The following DIAPH2 variants were observed in gnomAD, a reference collection of about 807,000 sequenced individuals.
DIAPH2 encodes the protein diaphanous related formin 2, also known as protein diaphanous homolog 2.
Under a neutral mutation model 92.7 loss-of-function variants are expected in DIAPH2, and 35 were observed. The observed-to-expected ratio is 0.38, with a 90% confidence interval of 0.29 to 0.50. The LOEUF (loss-of-function observed/expected upper bound fraction) is 0.50. DIAPH2 is among the 20% of genes least tolerant of loss of function. The pLI is 0.94. For synonymous variants in DIAPH2, 301 were observed against 280.4 expected, an observed-to-expected ratio of 1.07 and a Z score of -0.73; for missense variants, 701 against 819.5, an observed-to-expected ratio of 0.86 and a Z score of 1.77.
At chrX:97,149,150 G>T (rs934854390) in intron 22 of DIAPH2, among the ~76,000 whole-genome samples, 1 of 111,706 alleles carries the variant, frequency 9.0e-6, no homozygotes, top group Non-Finnish European at 1.9e-5. Flanking sequence ...AGAAAAATCT[G>T]TGGAACAAAA....
At chrX:97,424,603 T>C (rs1274606106) in intron 25 of DIAPH2, among the ~76,000 whole-genome samples, 2 of 96,453 alleles carry the variant, frequency 2.1e-5, no homozygotes, top group East Asian at 7.5e-4. Flanking sequence ...AAGGTATTTA[T>C]TTTTATTCCC....
In DIAPH2 at chrX:96,684,956, G is replaced by T; in HGVS notation, c.-103G>T. The T allele has an allele frequency of 5.6e-6, 5 of 888,243 alleles. No individual in the cohort carries two copies. Among genetic ancestry groups the T allele is most frequent in the Non-Finnish European group, 5.7e-6 (4 of 701,809 alleles). The allele number at this position is 888,243 out of a possible 1,213,427, so 73.2% of individuals were successfully genotyped here. On this transcript the variant is annotated 5_prime_UTR_variant, in exon 1 of 27. Coordinates refer to ENST00000324765, the MANE Select transcript of DIAPH2 (RefSeq NM_006729.5). ...GGGCAGACACTCTCTCCCTCAGGAA[G>T]AGGTGCCGCCGAGTCAGCGCGGGGC...
At chrX:97,228,601 C>A (rs998282725) in intron 22 of DIAPH2, among the ~76,000 whole-genome samples, 1 of 111,337 alleles carries the variant, frequency 9.0e-6, no homozygotes, top group African/African-American at 3.3e-5. Flanking sequence ...GAGCAGTTTA[C>A]AATTATGTAA....
intron 23 of DIAPH2, 25 bp downstream of exon 23, chrX:97,247,864 T>C: frequency 8.4e-7 from 1 of 1,192,907 alleles, no homozygotes; most frequent in Non-Finnish European, 1.1e-6. Context: ...TTTAAGCATT[T>C]TGTCTAGTTT....
chrX:97,261,988 A>T (rs2068291414), intron 23 of DIAPH2, among the ~76,000 whole-genome samples: 1 of 109,424 alleles, frequency 9.1e-6, no homozygotes, highest in African/African-American at 3.3e-5. Context: ...ACTGGTCACA[A>T]ATTCATCTAT....
At chrX:97,178,441 C>CTTTTTTTTT (rs1569321100) in intron 22 of DIAPH2, among the ~76,000 whole-genome samples, 2 of 88,975 alleles carry the variant, frequency 2.2e-5, no homozygotes, top group African/African-American at 9.5e-5. Context: ...GCCTATATTT[C>CTTTTTTTTT]TCTTTTTTTT....
chrX:96,744,852 A>T (rs1035523727), intron 3 of DIAPH2, among the ~76,000 whole-genome samples: 1 of 111,078 alleles, frequency 9.0e-6, no homozygotes, highest in Non-Finnish European at 1.9e-5. Flanking sequence ...GATGGCTCTT[A>T]TGACAATCTT....
chrX:96,688,978 G>A (rs1429461701), intron 1 of DIAPH2, among the ~76,000 whole-genome samples: 1 of 109,728 alleles, frequency 9.1e-6, no homozygotes, highest in East Asian at 2.9e-4. Flanking sequence ...AGTGTGATAA[G>A]TTGCTATAGG....
Position 96,905,044 on chromosome X carries a change from A to G in DIAPH2, c.588-7284A>G, listed in dbSNP as rs1222827569. 1.2e-4 allele frequency among the ~76,000 whole-genome samples: 13 copies of G among 111,604 alleles called. No individual in the cohort carries two copies. The Admixed American group carries it at 1.2e-3, about 11-fold the overall frequency. ...GGAAATAAAATCCTTTGTACAGAACACATAACCCTCTATACTAGCCTTTAG... is the reference window on the plus strand; with the variant it reads ...GGAAATAAAATCCTTTGTACAGAACGCATAACCCTCTATACTAGCCTTTAG... On this transcript the variant is annotated intron_variant, in intron 5 of 26. Coordinates refer to ENST00000324765, the MANE Select transcript of DIAPH2 (RefSeq NM_006729.5).
intron 4 of DIAPH2, among the ~76,000 whole-genome samples, chrX:96,827,147 G>A (rs2064821240): frequency 8.9e-6 from 1 of 112,167 alleles, no homozygotes; most frequent in African/African-American, 3.2e-5. Context: ...GTATAAAGCA[G>A]GAAATGATCT....
chrX:97,476,966 A>ATAT (rs1429567227), intron 26 of DIAPH2, among the ~76,000 whole-genome samples: 641 of 34,226 alleles, frequency 0.019, 19 homozygotes, highest in Non-Finnish European at 0.033. Flanking sequence ...AAAAAAAAAA[A>ATAT]AAATATATAT....
intron 17 of DIAPH2, among the ~76,000 whole-genome samples, chrX:97,012,627 T>C (rs2066234911): frequency 8.9e-6 from 1 of 112,466 alleles, no homozygotes; most frequent in Non-Finnish European, 1.9e-5. Flanking sequence ...TAATCCAAAC[T>C]GACTAAATTG....
intron 21 of DIAPH2, among the ~76,000 whole-genome samples, chrX:97,134,318 A>G (rs1456386168): frequency 1.8e-5 from 2 of 111,816 alleles, no homozygotes; most frequent in Non-Finnish European, 3.8e-5. Flanking sequence ...AAATTGCTAG[A>G]TAATTTCTCT....
chrX:97,212,461 G>T (rs1279754716), intron 22 of DIAPH2, among the ~76,000 whole-genome samples: 1 of 110,497 alleles, frequency 9.1e-6, no homozygotes, highest in Non-Finnish European at 1.9e-5. Context: ...CCTGATTTTG[G>T]TTCTACCTTG....
rs192760986 is a variant in DIAPH2 at position 96,884,782 on chromosome X, A to G, written c.587+3064A>G. 3.7e-5 allele frequency: 45 copies of G among 1,208,476 alleles called. No homozygotes were observed. Among genetic ancestry groups the G allele is most frequent in the South Asian group, 7.1e-5 (4 of 56,637 alleles). On this transcript the variant is annotated intron_variant, in intron 5 of 26. Coordinates refer to ENST00000324765, the MANE Select transcript of DIAPH2 (RefSeq NM_006729.5). ...GGACATGAACGAGTTCACCGTGCATATTCTGGAAACGGTCAATGCACACAT... is the reference window on the plus strand; with the variant it reads ...GGACATGAACGAGTTCACCGTGCATGTTCTGGAAACGGTCAATGCACACAT...
At chrX:97,113,574 G>A (rs1220852625) in intron 20 of DIAPH2, among the ~76,000 whole-genome samples, 1 of 112,208 alleles carries the variant, frequency 8.9e-6, no homozygotes, top group Non-Finnish European at 1.9e-5. Context: ...TATTTGGAGA[G>A]GCAGATGTTC....
At chrX:97,294,008 T>G (rs1398254182) in intron 23 of DIAPH2, among the ~76,000 whole-genome samples, 1 of 112,483 alleles carries the variant, frequency 8.9e-6, no homozygotes, top group African/African-American at 3.2e-5. Context: ...AGGGGAGATC[T>G]TATAAAAACA....
At chrX:97,496,539 G>A (rs1290965964) in intron 26 of DIAPH2, among the ~76,000 whole-genome samples, 1 of 110,660 alleles carries the variant, frequency 9.0e-6, no homozygotes, top group Non-Finnish European at 1.9e-5. Context: ...GCATGCTTTA[G>A]TTTTCCATCT....
intron 26 of DIAPH2, 60 bp from the exon 27 acceptor site, chrX:97,599,193 T>A (rs990408732): frequency 7.2e-5 from 61 of 842,012 alleles, no homozygotes; most frequent in Non-Finnish European, 9.8e-5. Flanking sequence ...CCTAACATCA[T>A]GTAATAGCAA....
Sources: gnomAD v4.1 joint callset for allele counts (sites outside exome capture counted in the v4.1 genomes callset) on GRCh38, gnomAD v4.1.1 for gene constraint, MANE v1.5 for transcripts, NCBI Gene and HGNC (gene_info 2026-07-23, HGNC 2026-07-21) for gene names.